CADM1: variants seen among roughly 807,000 people sequenced by gnomAD.
CADM1 encodes the protein cell adhesion molecule 1, also known as TSLC-1.
A neutral mutation model predicts 53.1 loss-of-function variants in CADM1; 15 were observed. That is an observed-to-expected ratio of 0.28 (90% CI 0.19 to 0.44). The LOEUF is 0.44. Among genes scored for constraint, CADM1 ranks in the 20% least tolerant of loss-of-function variants. CADM1 has a pLI of 1.00. For synonymous variants in CADM1, 281 were observed against 243.0 expected (o/e 1.16, Z -1.45); for missense variants, 434 against 611.3 (o/e 0.71, Z 3.06).
intron 1 of CADM1, among the ~76,000 whole-genome samples, chr11:115,387,919 CAAACA>C (rs1392505386): frequency 6.6e-6 from 1 of 150,922 alleles, no homozygotes; most frequent in Non-Finnish European, 1.5e-5. Context: ...AACAAACAAA[CAAACA>C]AAACTACCCA....
At position 115,177,450 on chromosome 11, in the gene CADM1, C is replaced by T. The variant is rs141463592; in HGVS notation, c.1298-858G>A. Among the ~76,000 whole-genome samples, 425 of 152,290 alleles carry T rather than the reference C, an allele frequency of 2.8e-3. 1 individual carries two copies. The highest frequency in any genetic ancestry group is 6.8e-3 in the Middle Eastern group (2 of 294). On this transcript the variant is annotated intron_variant, in intron 11 of 11. Transcript: ENST00000331581. The stretch of plus-strand genomic sequence containing the variant: ...CCTACCATAATCAAATAATCTTCCT[C>T]CCATTACATACTGTATTCCTGAAGA...
At chr11:115,417,426 C>G (rs563698932) in intron 1 of CADM1, among the ~76,000 whole-genome samples, 12 of 152,268 alleles carry the variant, frequency 7.9e-5, no homozygotes, top group South Asian at 4.1e-4. Flanking sequence ...TCCGGATATA[C>G]CAAACTCCAT....
In CADM1 at chr11:115,477,417, C is replaced by T. The variant is rs578217190; in HGVS notation, c.124+26854G>A. 3.9e-5 allele frequency among the ~76,000 whole-genome samples: 6 copies of T among 152,298 alleles called. No individual in the cohort carries two copies. In the South Asian group the frequency reaches 1.2e-3, roughly 32 times the overall value. On this transcript the variant is annotated intron_variant, in intron 1 of 11. Transcript: ENST00000331581. ...CTAAGAAGAGGAATTGCCTATCCAGCTTCATGTAACCAAAGCAGACAGGAA... is the reference window on the plus strand; with the variant it reads ...CTAAGAAGAGGAATTGCCTATCCAGTTTCATGTAACCAAAGCAGACAGGAA...
At chr11:115,378,086 C>A (rs1013462467) in intron 1 of CADM1, among the ~76,000 whole-genome samples, 2 of 152,134 alleles carry the variant, frequency 1.3e-5, no homozygotes, top group African/African-American at 4.8e-5. Context: ...ATGAAGCTGA[C>A]CTCAGACTAT....
chr11:115,191,061 T>C (rs992248380), intron 9 of CADM1, 120 bp from the exon 10 acceptor site: 2 of 792,762 alleles, frequency 2.5e-6, no homozygotes, highest in Non-Finnish European at 4.1e-6. Context: ...ATCTATGTTT[T>C]TGATAGCATG....
chr11:115,368,954 T>C (rs1290939381), intron 1 of CADM1, among the ~76,000 whole-genome samples: 1 of 142,362 alleles, frequency 7.0e-6, no homozygotes, highest in African/African-American at 2.6e-5. Context: ...AATTTAGTAG[T>C]GCAGTTCTAG....
chr11:115,223,421 C>A (rs761094602), intron 5 of CADM1, among the ~76,000 whole-genome samples: 2 of 152,096 alleles, frequency 1.3e-5, no homozygotes, highest in Admixed American at 6.6e-5. Flanking sequence ...AAAATTTAAC[C>A]TTGAGTTAAA....
At chr11:115,449,259 A>G (rs1248783620) in intron 1 of CADM1, among the ~76,000 whole-genome samples, 1 of 152,152 alleles carries the variant, frequency 6.6e-6, no homozygotes, top group African/African-American at 2.4e-5. Context: ...ACCTAGATTA[A>G]ATTACTGACA....
intron 1 of CADM1, among the ~76,000 whole-genome samples, chr11:115,383,365 A>C (rs1164541697): frequency 6.6e-6 from 1 of 152,244 alleles, no homozygotes; most frequent in Admixed American, 6.5e-5. Flanking sequence ...CAGCAGTTAC[A>C]TTCTCTGAAA....
intron 1 of CADM1, among the ~76,000 whole-genome samples, chr11:115,301,734 T>C (rs1372954179): frequency 6.6e-6 from 1 of 152,068 alleles, no homozygotes; most frequent in Non-Finnish European, 1.5e-5. Context: ...CTTTGGCTTA[T>C]TCAATTTCTC....
At chr11:115,346,329 G>GCTT (rs1480071358) in intron 1 of CADM1, among the ~76,000 whole-genome samples, 1 of 152,166 alleles carries the variant, frequency 6.6e-6, no homozygotes, top group Non-Finnish European at 1.5e-5. Flanking sequence ...ACCTACTGGG[G>GCTT]TAAAATTTCA....
chr11:115,173,720 A>G lies in CADM1; in HGVS notation c.*2754T>C. ...TTTTTTGTAAAAATGGTATACATGA[A>G]CCAATACAAAATGCGAATGGGAACA... On this transcript the variant is annotated 3_prime_UTR_variant, in exon 12 of 12. Transcript: ENST00000331581. The G allele has an allele frequency of 1.3e-6, 1 of 783,536 alleles. No individual in the cohort carries two copies. Among genetic ancestry groups the G allele is most frequent in the South Asian group, 5.8e-5 (1 of 17,200 alleles). The allele number at this position is 783,536 out of a possible 1,614,324, so 48.5% of individuals were successfully genotyped here. A position where few individuals can be genotyped will look rare whatever the true frequency, so the allele number is the denominator to read the frequency against.
At chr11:115,288,636 G>A (rs1943794654) in intron 1 of CADM1, among the ~76,000 whole-genome samples, 1 of 152,162 alleles carries the variant, frequency 6.6e-6, no homozygotes, top group African/African-American at 2.4e-5. Flanking sequence ...TCACAGGGCA[G>A]TCAGGTACAA....
chr11:115,405,980 C>G (rs1299594024), intron 1 of CADM1, among the ~76,000 whole-genome samples: 1 of 152,128 alleles, frequency 6.6e-6, no homozygotes, highest in Non-Finnish European at 1.5e-5. Context: ...GTTCTATAAG[C>G]TTTTCTATAT....
chr11:115,233,649 A>G (rs879393223), intron 3 of CADM1, among the ~76,000 whole-genome samples: 5 of 152,226 alleles, frequency 3.3e-5, no homozygotes, highest in Non-Finnish European at 7.3e-5. Flanking sequence ...TGGTATAAGA[A>G]AAAATGAAAA....
intron 1 of CADM1, among the ~76,000 whole-genome samples, chr11:115,346,327 G>T (rs1040305207): frequency 1.3e-5 from 2 of 152,134 alleles, no homozygotes; most frequent in Non-Finnish European, 2.9e-5. Context: ...TAACCTACTG[G>T]GGTAAAATTT....
chr11:115,333,423 T>C (rs1175809666), intron 1 of CADM1, among the ~76,000 whole-genome samples: 1 of 152,160 alleles, frequency 6.6e-6, no homozygotes, highest in Non-Finnish European at 1.5e-5. Flanking sequence ...TAAAAATGTA[T>C]GGAGAAGCAC....
At position 115,341,733 on chromosome 11, in the gene CADM1, G is replaced by T. The variant is rs548174430; in HGVS notation, c.125-101313C>A. Among the ~76,000 whole-genome samples, 6 of 152,148 alleles carry T rather than the reference G, an allele frequency of 3.9e-5. No homozygotes were observed. In the South Asian group the frequency reaches 6.2e-4, roughly 16 times the overall value. On this transcript the variant is annotated intron_variant, in intron 1 of 11. Transcript: ENST00000331581. ...GATTTGGGAAGACCATGTATTTACC[G>T]GTGTGTGACAGAGAATAATATAAAG...
chr11:115,290,237 A>C (rs1943851789), intron 1 of CADM1, among the ~76,000 whole-genome samples: 2 of 152,188 alleles, frequency 1.3e-5, no homozygotes, highest in Admixed American at 6.5e-5. Flanking sequence ...TGCAGTGTTG[A>C]GACACTTCTG....
Sources: allele counts gnomAD v4.1 joint callset (sites outside exome capture counted in the v4.1 genomes callset), GRCh38; gene constraint gnomAD v4.1.1; transcripts MANE v1.5; gene names NCBI Gene and HGNC (gene_info 2026-07-23, HGNC 2026-07-21).